Variants in VEPH1 observed in about 807,000 individuals in gnomAD.
VEPH1 encodes ventricular zone-expressed PH domain-containing protein homolog 1.
In VEPH1, 80 loss-of-function variants were observed where a neutral mutation model predicts 85.2. That is an observed-to-expected ratio of 0.94 (90% confidence interval 0.78 to 1.13). VEPH1 has a LOEUF of 1.13. Ranked by LOEUF, VEPH1 falls within the 50% of genes most tolerant of loss-of-function variation. The probability of loss-of-function intolerance (pLI) is 0.00; values close to 1 mark genes in which losing one functional copy is unlikely to be tolerated. For synonymous variants in VEPH1, 297 were observed against 348.0 expected (o/e 0.85, Z 1.63); for missense variants, 955 against 980.5 (o/e 0.97, Z 0.35).
intron 5 of VEPH1, among the ~76,000 whole-genome samples, chr3:157,422,140 G>A (rs972859542): frequency 1.3e-5 from 2 of 152,302 alleles, no homozygotes; most frequent in South Asian, 2.1e-4. Flanking sequence ...CTGGGTTTGT[G>A]TTGCAGCTTG....
chr3:157,264,542 C>A (rs1469485117), intron 13 of VEPH1, among the ~76,000 whole-genome samples: 1 of 152,200 alleles, frequency 6.6e-6, no homozygotes, highest in African/African-American at 2.4e-5. Flanking sequence ...ACATGGGAAG[C>A]AGTAAACTCA....
intron 2 of VEPH1, chr3:157,493,125 A>G: frequency 5.0e-6 from 2 of 403,734 alleles, no homozygotes; most frequent in South Asian, 3.7e-5. Flanking sequence ...GGTTTTATGC[A>G]ATGGAAAGGG....
intron 3 of VEPH1, 36 bp downstream of exon 3, chr3:157,470,278 C>T (rs563463751): frequency 9.4e-6 from 15 of 1,598,948 alleles, no homozygotes; most frequent in African/African-American, 8.0e-5. Context: ...GCTGCCAACT[C>T]AGTATCAAAT....
At chr3:157,494,971 A>G (rs915362433) in intron 2 of VEPH1, among the ~76,000 whole-genome samples, 1 of 152,096 alleles carries the variant, frequency 6.6e-6, no homozygotes, top group Non-Finnish European at 1.5e-5. Context: ...GCTGCTCTGC[A>G]ATTTTCAGAA....
intron 6 of VEPH1, chr3:157,413,631 T>C (rs1049830177): frequency 2.0e-6 from 2 of 985,238 alleles, no homozygotes; most frequent in Admixed American, 1.2e-4. Flanking sequence ...ATAACCCTGC[T>C]ACTTGATTCA....
At chr3:157,455,436 T>TC (rs202137486) in intron 4 of VEPH1, among the ~76,000 whole-genome samples, 2 of 151,638 alleles carry the variant, frequency 1.3e-5, no homozygotes, top group African/African-American at 2.4e-5. Context: ...CCTTTTTTTT[T>TC]CTTTAAGTTC....
chr3:157,499,217 G>A (rs1039285181), intron 1 of VEPH1, among the ~76,000 whole-genome samples: 14 of 150,828 alleles, frequency 9.3e-5, no homozygotes, highest in Admixed American at 6.6e-4. Flanking sequence ...AATCTTTAAG[G>A]GGTTCTAATC....
At chr3:157,358,045 C>T (rs9990136) in intron 9 of VEPH1, among the ~76,000 whole-genome samples, 104,976 of 152,062 alleles carry the variant, frequency 0.69, 36,541 homozygotes, top group East Asian at 0.78. Flanking sequence ...GTTCTGATGT[C>T]AACTCATTAG....
At chr3:157,370,399 T>G (rs190654512) in intron 7 of VEPH1, among the ~76,000 whole-genome samples, 16 of 152,256 alleles carry the variant, frequency 1.1e-4, no homozygotes, top group Middle Eastern at 3.4e-3. Context: ...TCCTGCAGAG[T>G]TAAGCTTGTT....
chr3:157,384,710 C>A (rs1729108742), intron 6 of VEPH1, among the ~76,000 whole-genome samples: 1 of 152,180 alleles, frequency 6.6e-6, no homozygotes, highest in Non-Finnish European at 1.5e-5. Flanking sequence ...ACCAAGCCAA[C>A]CTCACATCAT....
At position 157,437,866 on chromosome 3, in the gene VEPH1, G is replaced by C. The variant is rs777214761; in HGVS notation, c.530-9378C>G. 3.3e-6 allele frequency: 5 copies of C among 1,502,764 alleles called. No individual in the cohort carries two copies. Among genetic ancestry groups the C allele is most frequent in the Non-Finnish European group, 4.4e-6 (5 of 1,134,840 alleles). The allele number at this position is 1,502,764 out of a possible 1,614,324, so 93.1% of individuals were successfully genotyped here. A position where few individuals can be genotyped will look rare whatever the true frequency, so the allele number is the denominator to read the frequency against. ...AGAGGAGCTGCGGCAGACGCGAGCCGACCTGCACGCGGTGCAGGGCTGGGC... is the reference window on the plus strand; with the variant it reads ...AGAGGAGCTGCGGCAGACGCGAGCCCACCTGCACGCGGTGCAGGGCTGGGC... On this transcript the variant is annotated intron_variant, in intron 4 of 13. Transcript: ENST00000362010.
chr3:157,286,378 T>C, intron 12 of VEPH1, 179 bp downstream of exon 12: 1 of 633,162 alleles, frequency 1.6e-6, no homozygotes, highest in African/African-American at 1.8e-5. Flanking sequence ...AAGTTTTCCC[T>C]TTTTCCTACG....
chr3:157,277,282 C>T (rs905460143), intron 12 of VEPH1, among the ~76,000 whole-genome samples: 3 of 152,080 alleles, frequency 2.0e-5, no homozygotes, highest in Non-Finnish European at 4.4e-5. Flanking sequence ...AATAAGATCG[C>T]GTGGATAGAT....
At chr3:157,383,890 G>GTT (rs201021061) in intron 6 of VEPH1, among the ~76,000 whole-genome samples, 1 of 149,794 alleles carries the variant, frequency 6.7e-6, no homozygotes, top group East Asian at 2.0e-4. Flanking sequence ...AACAGTTTTT[G>GTT]TTTTTTTTTG....
intron 9 of VEPH1, among the ~76,000 whole-genome samples, chr3:157,343,041 A>G (rs1351446674): frequency 6.6e-6 from 1 of 152,226 alleles, no homozygotes; most frequent in Non-Finnish European, 1.5e-5. Context: ...TGCAGAGGGA[A>G]ATTTACAGCA....
intron 9 of VEPH1, among the ~76,000 whole-genome samples, chr3:157,328,895 C>G (rs1256860406): frequency 6.6e-6 from 1 of 152,120 alleles, no homozygotes; most frequent in African/African-American, 2.4e-5. Flanking sequence ...GTAGACACTT[C>G]CAGTTTTGTG....
At chr3:157,325,727 G>A (rs1326612778) in intron 9 of VEPH1, among the ~76,000 whole-genome samples, 1 of 152,156 alleles carries the variant, frequency 6.6e-6, no homozygotes, top group Admixed American at 6.5e-5. Context: ...GTACCATGCT[G>A]TTTGGGTTAC....
chr3:157,363,515 G>C lies in VEPH1; in HGVS notation c.1584C>G (p.Asn528Lys). ...SENLSETVKE[N>K]SQEETPETTA... ...TTGTCTCTGGAGTTTCTTCCTGGGAGTTTTCTTTAACAGTTTCTGACAAAT... is the reference window on the plus strand; with the variant it reads ...TTGTCTCTGGAGTTTCTTCCTGGGACTTTTCTTTAACAGTTTCTGACAAAT... The change falls in exon 9 of 14, where the codon AAC (asparagine) becomes AAG (lysine). Residue 528 changes from asparagine to lysine, a missense_variant. Coordinates refer to ENST00000362010, the MANE Select transcript of VEPH1 (RefSeq NM_001167912.2). 1 of 1,614,044 alleles carries C rather than the reference G, an allele frequency of 6.2e-7. No individual in the cohort carries two copies. Among genetic ancestry groups the C allele is most frequent in the Non-Finnish European group, 8.5e-7 (1 of 1,180,000 alleles).
chr3:157,360,817 C>G (rs1277540043), intron 9 of VEPH1, among the ~76,000 whole-genome samples: 1 of 152,036 alleles, frequency 6.6e-6, no homozygotes, highest in Non-Finnish European at 1.5e-5. Context: ...AATCATAAGC[C>G]AAACCACCAT....
Sources: allele counts gnomAD v4.1 joint callset (sites outside exome capture counted in the v4.1 genomes callset), GRCh38; gene constraint gnomAD v4.1.1; transcripts MANE v1.5; gene names NCBI Gene and HGNC (gene_info 2026-07-23, HGNC 2026-07-21).